The following LINGO2 variants were observed in gnomAD, a reference collection of about 807,000 sequenced individuals.
The protein encoded by LINGO2 is leucine rich repeat and Ig domain containing 2, also known as leucine-rich repeat and immunoglobulin-like domain-containing nogo receptor-interacting protein 2.
In LINGO2, 14 loss-of-function variants were observed where a neutral mutation model predicts 30.6. The ratio of observed to expected loss-of-function variants is 0.46; its 90% CI spans 0.30 to 0.72. The LOEUF (loss-of-function observed/expected upper bound fraction) is 0.72. Among genes scored for constraint, LINGO2 ranks in the 30% least tolerant of loss-of-function variants. The probability of loss-of-function intolerance (pLI) is 0.07; values close to 1 mark genes in which losing one functional copy is unlikely to be tolerated. For synonymous variants in LINGO2, 317 were observed against 288.5 expected (o/e 1.10, Z -1.00); for missense variants, 729 against 751.7 (o/e 0.97, Z 0.35).
chr9:28,655,095 C>T (rs774669851), intron 1 of LINGO2, among the ~76,000 whole-genome samples: 22 of 152,016 alleles, frequency 1.4e-4, no homozygotes, highest in Non-Finnish European at 2.4e-4. Flanking sequence ...CAAATCTCAT[C>T]CTGAAGGTGA....
At chr9:29,024,961 A>G in the LINGO2 span, among the ~76,000 whole-genome samples, 35 of 152,166 alleles carry the variant, frequency 2.3e-4, no homozygotes, top group South Asian at 6.0e-3. Context: ...CCTTACTAAA[A>G]CCATACGATG....
the LINGO2 span, among the ~76,000 whole-genome samples, chr9:29,116,315 A>C: frequency 2.6e-5 from 4 of 152,012 alleles, no homozygotes; most frequent in African/African-American, 9.7e-5. Context: ...TATTATCACT[A>C]ATTTTCTAAC....
At chr9:28,848,401 A>ATG in the LINGO2 span, among the ~76,000 whole-genome samples, 804 of 46,434 alleles carry the variant, frequency 0.017, 17 homozygotes, top group Admixed American at 0.037. Context: ...GTGTGTGTAT[A>ATG]TATATATATA....
intron 4 of LINGO2, among the ~76,000 whole-genome samples, chr9:28,198,306 C>A (rs191790654): frequency 6.6e-6 from 1 of 151,480 alleles, no homozygotes; most frequent in Admixed American, 6.6e-5. Context: ...ACAGTTTTAC[C>A]ACTAGTATTC....
chr9:28,053,341 G>C (rs1007643923), intron 4 of LINGO2, among the ~76,000 whole-genome samples: 40 of 152,142 alleles, frequency 2.6e-4, no homozygotes, highest in African/African-American at 8.4e-4. Context: ...CTGCAAGGGA[G>C]AGAGTCGTAA....
Position 28,078,168 on chromosome 9 carries a change from G to C in LINGO2, c.-86-65763C>G, listed in dbSNP as rs969458625. ...ATCATTTCTGCCAGTGAGAAGGATG[G>C]TCAGGCTAGTAAGAGGAGCAGATAT... On this transcript the variant is annotated intron_variant, in intron 4 of 5. Transcript: ENST00000379992. 6.0e-5 allele frequency among the ~76,000 whole-genome samples: 9 copies of C among 149,194 alleles called. 1 individual carries two copies. Among genetic ancestry groups the C allele is most frequent in the African/African-American group, 2.1e-4 (8 of 38,594 alleles).
chr9:28,217,470 G>A (rs1242078288), intron 4 of LINGO2, among the ~76,000 whole-genome samples: 1 of 152,008 alleles, frequency 6.6e-6, no homozygotes, highest in Admixed American at 6.6e-5. Flanking sequence ...TCTAAACATA[G>A]CACTCCTGTT....
At chr9:29,143,084 C>T in the LINGO2 span, among the ~76,000 whole-genome samples, 1 of 151,916 alleles carries the variant, frequency 6.6e-6, no homozygotes, top group African/African-American at 2.4e-5. Context: ...ATAAACTTAA[C>T]CAAGGAATGT....
the LINGO2 span, among the ~76,000 whole-genome samples, chr9:28,965,307 A>G: frequency 6.6e-6 from 1 of 152,026 alleles, no homozygotes; most frequent in Non-Finnish European, 1.5e-5. Flanking sequence ...GAACACTAAT[A>G]TCAATTGATA....
the LINGO2 span, among the ~76,000 whole-genome samples, chr9:29,071,172 T>TTGTATTGTAC: frequency 1.4e-5 from 2 of 138,646 alleles, no homozygotes; most frequent in African/African-American, 2.8e-5. Context: ...TTGTATTGTA[T>TTGTATTGTAC]TGTATTGTAT....
the LINGO2 span, among the ~76,000 whole-genome samples, chr9:28,862,376 T>G: frequency 6.6e-6 from 1 of 152,096 alleles, no homozygotes; most frequent in Non-Finnish European, 1.5e-5. Context: ...ATTTCTTAGG[T>G]AAAGCATTTC....
chr9:28,949,781 A>T, the LINGO2 span, among the ~76,000 whole-genome samples: 1 of 152,196 alleles, frequency 6.6e-6, no homozygotes, highest in East Asian at 1.9e-4. Context: ...TCATCCTGAT[A>T]CCAAAACCTG....
At chr9:28,678,225 C>T in the LINGO2 span, among the ~76,000 whole-genome samples, 6 of 151,804 alleles carry the variant, frequency 4.0e-5, no homozygotes, top group Non-Finnish European at 5.9e-5. Flanking sequence ...CTTTCCAGCC[C>T]CACCTTCTGG....
At chr9:29,202,270 T>C in the LINGO2 span, among the ~76,000 whole-genome samples, 1 of 151,936 alleles carries the variant, frequency 6.6e-6, no homozygotes, top group Non-Finnish European at 1.5e-5. Context: ...ATTGAGAATA[T>C]GATACTAAGC....
chr9:28,864,229 C>T, the LINGO2 span, among the ~76,000 whole-genome samples: 1 of 152,098 alleles, frequency 6.6e-6, no homozygotes, highest in Non-Finnish European at 1.5e-5. Flanking sequence ...TACCCCTGAA[C>T]TTAAAATAAA....
At chr9:28,570,759 A>G (rs535283828) in intron 1 of LINGO2, among the ~76,000 whole-genome samples, 1 of 151,982 alleles carries the variant, frequency 6.6e-6, no homozygotes, top group Admixed American at 6.6e-5. Context: ...CAAACAGTAG[A>G]ACAAAAATTT....
At chr9:28,565,625 C>T (rs1587874685) in intron 1 of LINGO2, among the ~76,000 whole-genome samples, 3 of 151,546 alleles carry the variant, frequency 2.0e-5, no homozygotes, top group African/African-American at 7.3e-5. Context: ...GATCTCTGCT[C>T]ACTGCAAGCT....
chr9:28,343,047 A>G (rs1443694443), intron 3 of LINGO2, among the ~76,000 whole-genome samples: 1 of 152,144 alleles, frequency 6.6e-6, no homozygotes, highest in Non-Finnish European at 1.5e-5. Flanking sequence ...ATCAAAACCC[A>G]GGGTTTCCAT....
chr9:28,030,682 A>G (rs1338366992), intron 4 of LINGO2, among the ~76,000 whole-genome samples: 1 of 151,922 alleles, frequency 6.6e-6, no homozygotes, highest in Admixed American at 6.5e-5. Flanking sequence ...TGACTGAGTT[A>G]CTCATATTCT....
Sources: allele counts gnomAD v4.1 joint callset (sites outside exome capture counted in the v4.1 genomes callset), GRCh38; gene constraint gnomAD v4.1.1; transcripts MANE v1.5; gene names NCBI Gene and HGNC (gene_info 2026-07-23, HGNC 2026-07-21).